OPA1: variants seen among roughly 807,000 people sequenced by gnomAD.
The protein encoded by OPA1 is OPA1 mitochondrial dynamin like GTPase.
In OPA1, 59 loss-of-function variants were observed where a neutral mutation model predicts 152.9. That is an observed-to-expected ratio of 0.39 (90% CI 0.31 to 0.48). The LOEUF is 0.48. Ranked by LOEUF, OPA1 falls within the 20% of genes least tolerant of loss-of-function variation. The pLI, the probability that OPA1 is intolerant of heterozygous loss-of-function variation, is 0.96. For missense variants in OPA1, 1,008 were observed against 1,216.8 expected (o/e 0.83, Z 2.55); for synonymous variants, 400 against 389.9 (o/e 1.03, Z -0.31).
chr3:193,617,202 G>A lies in OPA1; in HGVS notation c.473G>A (p.Ser158Asn), dbSNP rs7624750. The A allele has an allele frequency of 0.47, 755,697 of 1,604,536 alleles. 180,104 individuals are homozygous for A. The highest frequency in any genetic ancestry group is 0.57 in the African/African-American group (42,589 of 74,648). Residue 158 changes from serine (S) to asparagine (N), a missense_variant, in exon 4 of 31, where the codon AGT becomes AAT. Ser to Asn is a conservative substitution (Grantham distance 46). This residue lies in a region of OPA1 where 408 missense variants were observed against 395.1 expected (regional missense o/e 1.03). Coordinates refer to ENST00000361510, the MANE Select transcript of OPA1 (RefSeq NM_130837.3). ...GAGAAAATTAGAAAAGCCCTTCCTA[G>A]TTCAGAAGACCTTGTAAAGTTAGCA... ...DFEKIRKALP[S>N]SEDLVKLAPD...
At chr3:193,687,119 C>A (rs1186027901) in intron 29 of OPA1, among the ~76,000 whole-genome samples, 2 of 152,002 alleles carry the variant, frequency 1.3e-5, no homozygotes, top group East Asian at 3.9e-4. Context: ...GAGCAAGTAT[C>A]AGAAGACCCA....
At chr3:193,631,561 C>T (rs774119643) in intron 7 of OPA1, 51 bp from the exon 8 acceptor site, 1 of 1,360,842 alleles carries the variant, frequency 7.3e-7, no homozygotes, top group Non-Finnish European at 1.0e-6. Context: ...ACTTGCTGTA[C>T]ATTCTGTATA....
chr3:193,669,102 A>T (rs910709651), intron 29 of OPA1, among the ~76,000 whole-genome samples: 3 of 152,244 alleles, frequency 2.0e-5, no homozygotes, highest in Non-Finnish European at 2.9e-5. Flanking sequence ...TGCAAATTTA[A>T]AAGTGCCTTC....
chr3:193,634,018 C>G, intron 8 of OPA1, among the ~76,000 whole-genome samples: 1 of 152,100 alleles, frequency 6.6e-6, no homozygotes, highest in East Asian at 1.9e-4. Flanking sequence ...GTTGGACTTG[C>G]TGTAAGGATA....
chr3:193,626,250 C>A, intron 7 of OPA1, 48 bp downstream of exon 7: 2 of 1,309,556 alleles, frequency 1.5e-6, no homozygotes, highest in South Asian at 1.2e-5. Context: ...ACTAATCAGC[C>A]ATTTCTGCCA....
At chr3:193,622,201 T>C (rs1272150080) in intron 6 of OPA1, among the ~76,000 whole-genome samples, 1 of 151,680 alleles carries the variant, frequency 6.6e-6, no homozygotes, top group South Asian at 2.1e-4. Context: ...ATTAATGTTC[T>C]TTCTTGCAAC....
intron 9 of OPA1, 41 bp from the exon 10 acceptor site, chr3:193,637,154 C>A: frequency 8.9e-7 from 1 of 1,125,960 alleles, no homozygotes; most frequent in South Asian, 1.5e-5. Flanking sequence ...TTTTTCTTTA[C>A]TTTTACTGTT....
chr3:193,671,260 A>G (rs1327134159), intron 29 of OPA1, among the ~76,000 whole-genome samples: 2 of 152,240 alleles, frequency 1.3e-5, no homozygotes, highest in African/African-American at 4.8e-5. Context: ...AATCAAAACC[A>G]TATGCAAGAA....
intron 18 of OPA1, 46 bp downstream of exon 18, chr3:193,645,846 A>G (rs745647292): frequency 7.2e-7 from 1 of 1,396,786 alleles, no homozygotes; most frequent in Non-Finnish European, 1.0e-6. Context: ...GTAAGAGAGT[A>G]GCTTAAATTG....
chr3:193,596,194 C>T (rs1725459896), intron 1 of OPA1, among the ~76,000 whole-genome samples: 1 of 111,564 alleles, frequency 9.0e-6, no homozygotes, highest in Non-Finnish European at 1.8e-5. Context: ...TTATGTTTTT[C>T]ACCTTTTTTT....
chr3:193,648,040 A>C (rs1338649224), intron 19 of OPA1, 30 bp from the exon 20 acceptor site: 5 of 1,548,540 alleles, frequency 3.2e-6, no homozygotes, highest in Non-Finnish European at 4.5e-6. Flanking sequence ...AAGGAGGGTC[A>C]TCAAACTTGA....
Position 193,695,047 on chromosome 3 carries a change from A to G in OPA1, c.*447A>G, listed in dbSNP as rs982663818. The G allele has an allele frequency of 6.6e-6, 1 of 152,260 alleles. No individual in the cohort carries two copies. The highest frequency in any genetic ancestry group is 2.4e-5 in the African/African-American group (1 of 41,482). The allele number at this position is 152,260 out of a possible 1,614,324, so 9.4% of individuals were successfully genotyped here. A position where few individuals can be genotyped will look rare whatever the true frequency, so the allele number is the denominator to read the frequency against. ...TATCAATTGTATATAAAATCACAGT[A>G]GCCTGCTAAATCATTGTATGTGTCT... On this transcript the variant is annotated 3_prime_UTR_variant, in exon 31 of 31. Coordinates refer to ENST00000361510, the MANE Select transcript of OPA1 (RefSeq NM_130837.3).
intron 29 of OPA1, among the ~76,000 whole-genome samples, chr3:193,677,291 C>CTTTTTTTTTTTT (rs752472474): frequency 4.0e-5 from 5 of 125,450 alleles, no homozygotes; most frequent in Non-Finnish European, 6.6e-5. Flanking sequence ...TCTTTTACTT[C>CTTTTTTTTTTTT]TTTTTTTTTT....
At chr3:193,613,424 A>G (rs1728548071) in intron 1 of OPA1, among the ~76,000 whole-genome samples, 1 of 152,228 alleles carries the variant, frequency 6.6e-6, no homozygotes, top group East Asian at 1.9e-4. Context: ...TAACATTTAT[A>G]TAGTTATGCT....
chr3:193,640,116 G>A (rs930312177), intron 11 of OPA1, among the ~76,000 whole-genome samples: 1 of 152,130 alleles, frequency 6.6e-6, no homozygotes, highest in African/African-American at 2.4e-5. Flanking sequence ...TTTAGACAGA[G>A]GTGTGGGCCA....
chr3:193,644,116 A>G lies in OPA1; in HGVS notation c.1608+11A>G. ...GCCAGTCCAAGCAGGGTGAGGTCAA[A>G]TTCTTTGTTGCGAGAATAGATTCTT... On this transcript the variant is annotated intron_variant, in intron 16 of 30. Coordinates refer to ENST00000361510, the MANE Select transcript of OPA1 (RefSeq NM_130837.3). 3.1e-6 allele frequency: 5 copies of G among 1,613,398 alleles called. No individual in the cohort carries two copies. Among genetic ancestry groups the G allele is most frequent in the Middle Eastern group, 1.7e-4 (1 of 6,058 alleles).
chr3:193,684,431 C>G (rs1720643517), intron 29 of OPA1, among the ~76,000 whole-genome samples: 1 of 150,262 alleles, frequency 6.7e-6, no homozygotes, highest in Admixed American at 6.6e-5. Flanking sequence ...TGACAAGCAC[C>G]TGGAATGGTA....
chr3:193,637,265 A>C lies in OPA1; in HGVS notation c.1019A>C (p.Gln340Pro), dbSNP rs201670377. ...LSDYDASYNT[Q>P]DHLPRVVVVG... The stretch of plus-strand genomic sequence containing the variant: ...GATTATGATGCCAGTTATAATACGC[A>C]AGATCATCTGCCACGGGTATGTGAA... Residue 340 changes from glutamine to proline, a missense_variant, in exon 10 of 31, where the codon CAA (glutamine) becomes CCA (proline). Coordinates refer to ENST00000361510, the MANE Select transcript of OPA1 (RefSeq NM_130837.3). The C allele has an allele frequency of 2.7e-5, 44 of 1,605,700 alleles. No homozygotes were observed. Among genetic ancestry groups the C allele is most frequent in the Non-Finnish European group, 3.5e-5 (41 of 1,173,424 alleles).
rs1487489879 is a variant in OPA1, at chr3:193,614,807, C to T, written c.117C>T (p.Ser39=). 1 of 1,606,122 alleles carries T rather than the reference C, an allele frequency of 6.2e-7. No homozygotes were observed. Among genetic ancestry groups the T allele is most frequent in the Non-Finnish European group, 8.5e-7 (1 of 1,172,980 alleles). ...PLQKLHLVSR[S]IYHSHHPTLK... is the part of the protein sequence containing the mutation. Reference sequence around the variant, plus strand: ...AAAAACTACATCTGGTTTCACGAAGCATTTATCATTCACATCATCCTACCT... The same window carrying T: ...AAAAACTACATCTGGTTTCACGAAGTATTTATCATTCACATCATCCTACCT... The change falls in exon 2 of 31, where the codon AGC becomes AGT. Residue 39 remains serine, a synonymous_variant. Transcript: ENST00000361510.
Sources: gnomAD v4.1 joint callset for allele counts (sites outside exome capture counted in the v4.1 genomes callset) on GRCh38, gnomAD v4.1.1 for gene constraint, gnomAD v4.1.1 regional missense constraint, MANE v1.5 for transcripts, NCBI Gene and HGNC (gene_info 2026-07-23, HGNC 2026-07-21) for gene names.